Variants in GREB1L observed in about 807,000 individuals in gnomAD.
GREB1L encodes GREB1 like retinoic acid receptor coactivator, also known as GREB1-like protein.
Under a neutral mutation model 200.8 loss-of-function variants are expected in GREB1L, and 17 were observed. That is an observed-to-expected ratio of 0.08 (90% CI 0.06 to 0.13). The LOEUF (loss-of-function observed/expected upper bound fraction) is 0.13. GREB1L is among the 10% of genes least tolerant of loss of function. The pLI is 1.00. For synonymous variants in GREB1L, 789 were observed against 893.0 expected, an observed-to-expected ratio of 0.88 and a Z score of 2.08; for missense variants, 1,657 against 2,367.7, an observed-to-expected ratio of 0.70 and a Z score of 6.23.
intron 13 of GREB1L, chr18:21,451,394 GGGCGAGTTTCTCTCTCCCTGGAACTC>G (rs2034510893): frequency 3.2e-6 from 1 of 310,690 alleles, no homozygotes; most frequent in African/African-American, 2.2e-5. Context: ...GAGTGACCTT[GGGCGAGTTTCTCTCTCCCTGGAACTC>G]GGTTTGTTCG....
intron 15 of GREB1L, chr18:21,468,722 C>T (rs981887871): frequency 8.8e-6 from 4 of 456,490 alleles, no homozygotes; most frequent in African/African-American, 8.0e-5. Flanking sequence ...TTTTCCTGTT[C>T]CAGGTTCCAG....
At position 21,420,613 on chromosome 18, in the gene GREB1L, A is replaced by G. The variant is rs1441111340; in HGVS notation, c.832+16619A>G. On this transcript the variant is annotated intron_variant, in intron 7 of 32. Coordinates refer to ENST00000424526, the MANE Select transcript of GREB1L (RefSeq NM_001142966.3). Reference sequence around the variant, plus strand: ...AATGAGATACCAGTATACACCTATTAGTATGGCTAAAATAAAAGACTACAT... The same window carrying G: ...AATGAGATACCAGTATACACCTATTGGTATGGCTAAAATAAAAGACTACAT... 3.3e-5 allele frequency among the ~76,000 whole-genome samples: 5 copies of G among 152,228 alleles called. No homozygotes were observed. In the East Asian group the frequency reaches 9.6e-4, roughly 29 times the overall value.
intron 4 of GREB1L, among the ~76,000 whole-genome samples, chr18:21,391,917 C>T (rs1271655618): frequency 6.6e-6 from 1 of 152,188 alleles, no homozygotes; most frequent in African/African-American, 2.4e-5. Flanking sequence ...TCAAGCAATT[C>T]TCCTGCCTCA....
At position 21,426,973 on chromosome 18, in the gene GREB1L, CAAAAAAAAAAA is replaced by C. The variant is rs56776768; in HGVS notation, c.833-12544_833-12534del. Among the ~76,000 whole-genome samples, 269 of 83,810 alleles carry C rather than the reference CAAAAAAAAAAA, an allele frequency of 3.2e-3. 1 individual carries two copies. The Middle Eastern group carries it at 0.036, about 11-fold the overall frequency. The allele number at this position is 83,810 out of a possible 152,430, so 55.0% of individuals were successfully genotyped here. ...GACTACGTCTCAAAAAAAAAAAAAA[CAAAAAAAAAAA>C]AAACAAAAAAAAAAAACTGTTTTGG... On this transcript the variant is annotated intron_variant, in intron 7 of 32. Transcript: ENST00000424526.
intron 1 of GREB1L, among the ~76,000 whole-genome samples, chr18:21,360,843 C>T (rs2039570984): frequency 6.6e-6 from 1 of 152,204 alleles, no homozygotes; most frequent in Non-Finnish European, 1.5e-5. Flanking sequence ...AAAATATCCT[C>T]CATTTTTAAG....
At chr18:21,348,146 C>T (rs1486021475) in intron 1 of GREB1L, among the ~76,000 whole-genome samples, 6 of 151,754 alleles carry the variant, frequency 4.0e-5, no homozygotes, top group Admixed American at 1.3e-4. Flanking sequence ...GGGGTTTCAC[C>T]GTGTTAACCA....
intron 7 of GREB1L, among the ~76,000 whole-genome samples, chr18:21,435,881 G>A (rs934865125): frequency 6.6e-6 from 1 of 152,154 alleles, no homozygotes; most frequent in Non-Finnish European, 1.5e-5. Context: ...GTAAGAAGAA[G>A]ACGAGATAGG....
chr18:21,438,939 C>T (rs370792377), intron 7 of GREB1L, among the ~76,000 whole-genome samples: 72 of 119,684 alleles, frequency 6.0e-4, no homozygotes, highest in African/African-American at 2.3e-3. Context: ...CCAGCCTGGG[C>T]GACAGAGTGA....
chr18:21,357,638 T>C (rs190296034), intron 1 of GREB1L, among the ~76,000 whole-genome samples: 2 of 152,194 alleles, frequency 1.3e-5, no homozygotes, highest in African/African-American at 4.8e-5. Context: ...CTATTTTGAG[T>C]TGATTTTTCT....
At chr18:21,516,883 T>TG (rs1420280257) in intron 30 of GREB1L, 129 bp downstream of exon 30, 32 of 901,470 alleles carry the variant, frequency 3.5e-5, no homozygotes, top group Admixed American at 2.0e-4. Context: ...GGGAGTTTTT[T>TG]TTTTTTTTTT....
chr18:21,330,173 G>A (rs1323453676), intron 1 of GREB1L, among the ~76,000 whole-genome samples: 1 of 152,194 alleles, frequency 6.6e-6, no homozygotes, highest in East Asian at 1.9e-4. Flanking sequence ...CCCAGAGTAG[G>A]GCCAGGCAGT....
At chr18:21,245,310 A>G (rs537481984) in intron 1 of GREB1L, among the ~76,000 whole-genome samples, 1 of 152,270 alleles carries the variant, frequency 6.6e-6, no homozygotes, top group Non-Finnish European at 1.5e-5. Flanking sequence ...GTCTAATATA[A>G]ATTATAAATT....
At chr18:21,492,331 G>C (rs909700147) in intron 19 of GREB1L, among the ~76,000 whole-genome samples, 11 of 151,898 alleles carry the variant, frequency 7.2e-5, no homozygotes, top group Non-Finnish European at 1.3e-4. Context: ...GGGCGACAGA[G>C]CAAGACTCTG....
intron 15 of GREB1L, among the ~76,000 whole-genome samples, chr18:21,468,440 A>G (rs2145637566): frequency 6.6e-6 from 1 of 152,308 alleles, no homozygotes; most frequent in African/African-American, 2.4e-5. Context: ...GGTGATGAAA[A>G]TGTTTTAAAA....
At chr18:21,245,240 C>G (rs1197577593) in intron 1 of GREB1L, among the ~76,000 whole-genome samples, 3 of 152,166 alleles carry the variant, frequency 2.0e-5, no homozygotes, top group Admixed American at 1.3e-4. Context: ...AGATCTCATA[C>G]TGAAAGCTAA....
chr18:21,331,320 G>A (rs2039104129), intron 1 of GREB1L, among the ~76,000 whole-genome samples: 1 of 152,200 alleles, frequency 6.6e-6, no homozygotes, highest in African/African-American at 2.4e-5. Flanking sequence ...AAGGGATCAG[G>A]AAGAACAGAT....
intron 7 of GREB1L, among the ~76,000 whole-genome samples, chr18:21,412,104 A>G (rs566450479): frequency 7.8e-4 from 118 of 150,342 alleles, no homozygotes; most frequent in African/African-American, 2.8e-3. Context: ...ATTGTGAGAT[A>G]TTCATATTTA....
intron 6 of GREB1L, among the ~76,000 whole-genome samples, chr18:21,402,969 G>A (rs1303971823): frequency 6.6e-6 from 1 of 151,632 alleles, no homozygotes; most frequent in Non-Finnish European, 1.5e-5. Flanking sequence ...ATTACCTATT[G>A]GAGATAAGCT....
intron 15 of GREB1L, among the ~76,000 whole-genome samples, chr18:21,458,790 G>A (rs1555651483): frequency 1.3e-5 from 2 of 152,176 alleles, no homozygotes; most frequent in African/African-American, 2.4e-5. Flanking sequence ...TGGAGTGATC[G>A]TGGGGAAGGA....
Sources: gnomAD v4.1 joint callset for allele counts (sites outside exome capture counted in the v4.1 genomes callset) on GRCh38, gnomAD v4.1.1 for gene constraint, MANE v1.5 for transcripts, NCBI Gene and HGNC (gene_info 2026-07-23, HGNC 2026-07-21) for gene names.